QTGAL: variants seen among roughly 807,000 people sequenced by gnomAD.
The protein encoded by QTGAL is BGnT-like protein 1.
the QTGAL span, among the ~76,000 whole-genome samples, chr17:83,050,725 G>A: frequency 1.3e-5 from 2 of 152,244 alleles, no homozygotes; most frequent in African/African-American, 4.8e-5. Flanking sequence ...CACGGGGAAG[G>A]TGTTCGGGGC....
At chr17:83,006,360 TTTGTTG>T in the QTGAL span, 146 of 985,310 alleles carry the variant, frequency 1.5e-4, no homozygotes, top group Middle Eastern at 5.2e-4. This position sits in a 1 kb window ranked among gnomAD's most constrained non-coding sequence, Gnocchi z 5.8. Context: ...TCTGTTTGCA[TTTGTTG>T]TTGTTGTTGT....
At chr17:83,013,486 C>T in the QTGAL span, among the ~76,000 whole-genome samples, 1 of 146,386 alleles carries the variant, frequency 6.8e-6, no homozygotes, top group African/African-American at 2.5e-5. Flanking sequence ...CCTTCAGACG[C>T]CCCCAGCACA....
At chr17:83,006,642 C>T in the QTGAL span, 10 of 984,174 alleles carry the variant, frequency 1.0e-5, no homozygotes, top group Middle Eastern at 5.2e-4. This position sits in a 1 kb window ranked among gnomAD's most constrained non-coding sequence, Gnocchi z 5.8. Flanking sequence ...TGTGCTATCC[C>T]GACGCCGTGG....
the QTGAL span, chr17:82,965,629 G>C: frequency 6.3e-7 from 1 of 1,578,940 alleles, no homozygotes; most frequent in Non-Finnish European, 8.6e-7. Context: ...GGAGGGACCT[G>C]ATTCCCGCCT....
At chr17:82,971,436 T>A in the QTGAL span, among the ~76,000 whole-genome samples, 1 of 151,904 alleles carries the variant, frequency 6.6e-6, no homozygotes, top group Non-Finnish European at 1.5e-5. Context: ...AGCGCTGGGG[T>A]GGGGGCAGCT....
chr17:83,048,423 A>G, the QTGAL span: 3 of 1,497,850 alleles, frequency 2.0e-6, no homozygotes, highest in Non-Finnish European at 2.8e-6. Context: ...ACGTAAGTTG[A>G]TAAGAAACCA....
the QTGAL span, among the ~76,000 whole-genome samples, chr17:82,967,182 G>C: frequency 6.6e-6 from 1 of 152,196 alleles, no homozygotes; most frequent in Non-Finnish European, 1.5e-5. Context: ...GAGATTGGGG[G>C]TGAGGACACC....
At chr17:83,000,807 C>A in the QTGAL span, among the ~76,000 whole-genome samples, 1 of 152,172 alleles carries the variant, frequency 6.6e-6, no homozygotes. Context: ...CTGCTGTGAG[C>A]GAGCCACGCA....
At chr17:83,027,694 G>A in the QTGAL span, among the ~76,000 whole-genome samples, 16 of 85,360 alleles carry the variant, frequency 1.9e-4, no homozygotes, top group Admixed American at 1.8e-4. Context: ...AAAGTGAGAC[G>A]CTCTCAAAAA....
the QTGAL span, among the ~76,000 whole-genome samples, chr17:83,032,057 G>A: frequency 1.7e-4 from 25 of 142,926 alleles, no homozygotes; most frequent in African/African-American, 5.7e-4. Flanking sequence ...GGCCTCCGAC[G>A]CAGACCGAAC....
the QTGAL span, among the ~76,000 whole-genome samples, chr17:82,982,131 TCTC>T: frequency 1.4e-5 from 2 of 139,802 alleles, no homozygotes; most frequent in African/African-American, 5.5e-5. Flanking sequence ...CCTCCATCCT[TCTC>T]ACCTCTGTGG....
chr17:83,019,083 G>A, the QTGAL span, among the ~76,000 whole-genome samples: 1 of 152,184 alleles, frequency 6.6e-6, no homozygotes, highest in Non-Finnish European at 1.5e-5. Flanking sequence ...CCGCCGGAAT[G>A]GAAGTTAAGA....
At chr17:82,959,735 T>C in the QTGAL span, among the ~76,000 whole-genome samples, 1 of 151,852 alleles carries the variant, frequency 6.6e-6, no homozygotes, top group Non-Finnish European at 1.5e-5. Flanking sequence ...ACGCGAGGTT[T>C]GGGGGGCCTC....
the QTGAL span, among the ~76,000 whole-genome samples, chr17:82,991,978 T>A: frequency 6.6e-6 from 1 of 152,072 alleles, no homozygotes; most frequent in African/African-American, 2.4e-5. Context: ...ATTAGTGAGC[T>A]TGAAGAAAGG....
At chr17:83,044,195 A>G in the QTGAL span, among the ~76,000 whole-genome samples, 8 of 152,246 alleles carry the variant, frequency 5.3e-5, no homozygotes, top group Non-Finnish European at 1.2e-4. Flanking sequence ...AGGAACCTAC[A>G]GGCCAATAGC....
the QTGAL span, among the ~76,000 whole-genome samples, chr17:82,955,958 T>C: frequency 7.8e-6 from 1 of 128,662 alleles, no homozygotes; most frequent in Non-Finnish European, 1.6e-5. Context: ...TGAGAACACA[T>C]GGACACAGGG....
chr17:83,013,710 G>T, the QTGAL span, among the ~76,000 whole-genome samples: 1 of 152,070 alleles, frequency 6.6e-6, no homozygotes, highest in South Asian at 2.1e-4. Context: ...AGCCCCGCGG[G>T]GGGAGGGCAG....
chr17:82,990,968 C>A, the QTGAL span, among the ~76,000 whole-genome samples: 3 of 152,210 alleles, frequency 2.0e-5, no homozygotes, highest in Non-Finnish European at 2.9e-5. Flanking sequence ...GACTTTCCAG[C>A]TTCCAGAATT....
chr17:83,005,759 A>G, the QTGAL span: 1 of 858,340 alleles, frequency 1.2e-6, no homozygotes, highest in Non-Finnish European at 1.8e-6. The surrounding 1 kb of genome is among the most constrained non-coding windows in gnomAD (Gnocchi z 5.6). Flanking sequence ...CCCCTGCCTC[A>G]GGTGACATCC....
Sources: gnomAD v4.1 joint callset for allele counts (sites outside exome capture counted in the v4.1 genomes callset) on GRCh38, gnomAD v4.1.1 for gene constraint, Gnocchi (gnomAD v3.1) non-coding constraint, MANE v1.5 for transcripts, NCBI Gene and HGNC (gene_info 2026-07-23, HGNC 2026-07-21) for gene names.